Variants in CHD1 observed in about 807,000 individuals in gnomAD.
The protein encoded by CHD1 is chromodomain helicase DNA binding protein 1.
Under a neutral mutation model 224.2 loss-of-function variants are expected in CHD1, and 36 were observed. The observed-to-expected ratio is 0.16, with a 90% CI of 0.12 to 0.21. CHD1 has a LOEUF of 0.21. Ranked by LOEUF, CHD1 falls within the 10% of genes least tolerant of loss-of-function variation. The pLI, the probability that CHD1 is intolerant of heterozygous loss-of-function variation, is 1.00. For missense variants in CHD1, 1,378 were observed against 1,994.8 expected, an observed-to-expected ratio of 0.69 and a Z score of 5.89; for synonymous variants, 668 against 658.3, an observed-to-expected ratio of 1.01 and a Z score of -0.23.
In CHD1 at chr5:98,887,073, G is replaced by A. The variant is rs547178047; in HGVS notation, c.2496+1015C>T. ...TGAAAATGTTCTAAAACCACCTGTC[G>A]AACAATTATACACATCTGTGAACAT... On this transcript the variant is annotated intron_variant, in intron 17 of 35. Coordinates refer to ENST00000614616, the MANE Select transcript of CHD1 (RefSeq NM_001270.4). Among the ~76,000 whole-genome samples the A allele has an allele frequency of 9.9e-4, 151 of 152,152 alleles. 1 individual carries two copies. Among genetic ancestry groups the A allele is most frequent in the Admixed American group, 2.4e-3 (37 of 15,280 alleles).
chr5:98,861,190 G>A (rs1036856583), intron 32 of CHD1, among the ~76,000 whole-genome samples: 1 of 152,232 alleles, frequency 6.6e-6, no homozygotes, highest in East Asian at 1.9e-4. Flanking sequence ...TCATTCTCCA[G>A]TCCCAGCCCT....
intron 35 of CHD1, among the ~76,000 whole-genome samples, chr5:98,857,379 T>C (rs909231812): frequency 1.3e-5 from 2 of 152,116 alleles, no homozygotes; most frequent in African/African-American, 4.8e-5. Context: ...CTGTGAAATA[T>C]ATACTATAAA....
At chr5:98,882,341 G>A (rs2112401628) in intron 19 of CHD1, among the ~76,000 whole-genome samples, 1 of 148,888 alleles carries the variant, frequency 6.7e-6, no homozygotes, top group South Asian at 2.1e-4. Flanking sequence ...TTAATATTTT[G>A]ATAAGGAGAT....
intron 2 of CHD1, among the ~76,000 whole-genome samples, chr5:98,910,848 G>A (rs985178973): frequency 6.6e-6 from 1 of 151,616 alleles, no homozygotes; most frequent in African/African-American, 2.4e-5. Flanking sequence ...TGTACATGTT[G>A]TTTTCAGTTC....
In CHD1 at chr5:98,902,959, G is replaced by T; in HGVS notation, c.378C>A (p.Ser126=). 6.3e-7 allele frequency: 1 copy of T among 1,591,460 alleles called. No individual in the cohort carries two copies. The highest frequency in any genetic ancestry group is 1.1e-5 in the South Asian group (1 of 90,006). The change falls in exon 5 of 36, where the codon TCC becomes TCA. Residue 126 remains serine, a synonymous_variant. Transcript: ENST00000614616. ...ASSNSGSEED[S]SSSEDSDDSS... is the part of the protein sequence containing the mutation. ...AGTCATCGGAATCTTCACTGCTAGAGGAATCCTGTAGAAAAGAAATAAAGT... is the reference window on the plus strand; with the variant it reads ...AGTCATCGGAATCTTCACTGCTAGATGAATCCTGTAGAAAAGAAATAAAGT...
chr5:98,882,257 A>G (rs144340292), intron 19 of CHD1, 134 bp from the exon 20 acceptor site: 486 of 648,972 alleles, frequency 7.5e-4, no homozygotes, highest in Non-Finnish European at 1.0e-3. Context: ...CAAAATGAAA[A>G]TTTAAAAAAC....
At chr5:98,858,865 A>G (rs1748244559) in intron 34 of CHD1, 99 bp downstream of exon 34, 2 of 674,124 alleles carry the variant, frequency 3.0e-6, no homozygotes, top group Non-Finnish European at 4.6e-6. Flanking sequence ...TATAAATAAA[A>G]ACAAGGTAAG....
intron 28 of CHD1, 103 bp downstream of exon 28, chr5:98,871,948 T>C: frequency 6.5e-6 from 7 of 1,081,172 alleles, no homozygotes; most frequent in Non-Finnish European, 7.9e-6. Flanking sequence ...AGCTAGTGCC[T>C]TGGTTTCCAG....
chr5:98,890,363 G>A (rs575212727), intron 15 of CHD1, among the ~76,000 whole-genome samples: 47 of 152,130 alleles, frequency 3.1e-4, no homozygotes, highest in African/African-American at 1.0e-3. Context: ...AAAGCAAAAC[G>A]AAACCCATGG....
chr5:98,863,357 A>G (rs77326655), intron 32 of CHD1, 51 bp downstream of exon 32: 3 of 1,040,440 alleles, frequency 2.9e-6, no homozygotes, highest in Non-Finnish European at 3.9e-6. Flanking sequence ...AAAAAAAAAA[A>G]GACAGTTATA....
At chr5:98,894,891 G>A (rs918580780) in intron 12 of CHD1, among the ~76,000 whole-genome samples, 4 of 150,938 alleles carry the variant, frequency 2.7e-5, no homozygotes, top group Admixed American at 1.3e-4. Flanking sequence ...GCGTGATCTC[G>A]GCTCACCACA....
chr5:98,856,564 G>A lies in CHD1; in HGVS notation c.4949C>T (p.Thr1650Met), dbSNP rs142842461. Residue 1650 changes from threonine (T) to methionine (M), a missense_variant, in exon 36 of 36, where the codon ACG (threonine) becomes ATG (methionine). Physicochemically the swap from Thr to Met is moderately conservative, Grantham distance 81. Transcript: ENST00000614616. ...HSDHRSSSEY[T>M]HHKSSRDYRY... is the part of the protein sequence containing the mutation. ...ATAATCCCTGGAAGATTTATGGTGCGTATATTCAGAACTTGACCGGTGGTC... is the reference window on the plus strand; with the variant it reads ...ATAATCCCTGGAAGATTTATGGTGCATATATTCAGAACTTGACCGGTGGTC... 1.6e-3 allele frequency: 2,648 copies of A among 1,613,760 alleles called. 15 individuals are homozygous for A. The highest frequency in any genetic ancestry group is 6.1e-3 in the South Asian group (556 of 91,068).
At chr5:98,923,441 G>C (rs1336784838) in intron 2 of CHD1, among the ~76,000 whole-genome samples, 1 of 150,556 alleles carries the variant, frequency 6.6e-6, no homozygotes, top group Non-Finnish European at 1.5e-5. Flanking sequence ...TTTTGAGACG[G>C]AGTTTCACTT....
rs757471204 is a variant in CHD1 at position 98,901,088 on chromosome 5, A to G, written c.588-6T>C. The G allele has an allele frequency of 2.5e-6, 4 of 1,578,892 alleles. No individual in the cohort carries two copies. Among genetic ancestry groups the G allele is most frequent in the East Asian group, 2.2e-5 (1 of 44,718 alleles). On this transcript the variant is annotated splice_region_variant and splice_polypyrimidine_tract_variant and intron_variant, in intron 6 of 35. Transcript: ENST00000614616. ...TTCCATTTTTTGACTTAGATCTAGG[A>G]AAGTGCAAAGAGAAAAAAAAACAAG...
At chr5:98,874,643 T>C (rs161933) in intron 25 of CHD1, among the ~76,000 whole-genome samples, 49,966 of 147,708 alleles carry the variant, frequency 0.34, 9,919 homozygotes, top group African/African-American at 0.56. Flanking sequence ...ACCCATGAGG[T>C]GGAGGTTACA....
rs775967789 is a variant in CHD1 at position 98,901,207 on chromosome 5, T to C, written c.566A>G (p.Lys189Arg). The change falls in exon 6 of 36, where the codon AAA (lysine) becomes AGA (arginine). Residue 189 changes from lysine (K) to arginine (R), a missense_variant. Lys to Arg is a conservative substitution (Grantham distance 26). Around this residue, in one of 16 missense-constraint regions of CHD1, gnomAD observed 306 missense variants for 298.1 expected, o/e 1.03. Coordinates refer to ENST00000614616, the MANE Select transcript of CHD1 (RefSeq NM_001270.4). ...ATACCTATTTTGAGGTTTTCTGCTT[T>C]TGACTTTGTTTTTTGGCTCATAATC... ...ESDYEPKNKV[K>R]SRKPQNRSKS... 6.9e-5 allele frequency: 112 copies of C among 1,612,300 alleles called. No homozygotes were observed. The highest frequency in any genetic ancestry group is 9.2e-5 in the Non-Finnish European group (108 of 1,179,564).
At chr5:98,907,505 T>C (rs991044552) in intron 2 of CHD1, among the ~76,000 whole-genome samples, 5 of 150,900 alleles carry the variant, frequency 3.3e-5, no homozygotes, top group Admixed American at 1.3e-4. Flanking sequence ...GGAGAATCAC[T>C]TGAACCCTGG....
chr5:98,881,043 T>A, intron 22 of CHD1, 33 bp downstream of exon 22: 1 of 1,218,768 alleles, frequency 8.2e-7, no homozygotes, highest in South Asian at 1.3e-5. Flanking sequence ...TCTCAATTTA[T>A]GTAATTACAA....
At chr5:98,917,395 A>G (rs1476608087) in intron 2 of CHD1, among the ~76,000 whole-genome samples, 3 of 151,470 alleles carry the variant, frequency 2.0e-5, no homozygotes, top group Non-Finnish European at 4.4e-5. Flanking sequence ...AGATTTTAGT[A>G]TCTCTCTGCA....
Sources: gnomAD v4.1 joint callset for allele counts (sites outside exome capture counted in the v4.1 genomes callset) on GRCh38, gnomAD v4.1.1 for gene constraint, gnomAD v4.1.1 regional missense constraint, MANE v1.5 for transcripts, NCBI Gene and HGNC (gene_info 2026-07-23, HGNC 2026-07-21) for gene names.